Variants in SLC25A21 observed in about 807,000 individuals in gnomAD.
SLC25A21 encodes solute carrier family 25 member 21.
Under a neutral mutation model 43.8 loss-of-function variants are expected in SLC25A21, and 47 were observed. The ratio of observed to expected loss-of-function variants is 1.07; its 90% CI spans 0.85 to 1.37. The LOEUF is 1.37. Among genes scored for constraint, SLC25A21 ranks in the 40% most tolerant of loss-of-function variants. SLC25A21 has a pLI of 0.00. For missense variants in SLC25A21, 352 were observed against 350.2 expected (o/e 1.00, Z -0.04); for synonymous variants, 131 against 121.3 (o/e 1.08, Z -0.52).
Position 36,900,979 on chromosome 14 carries a change from T to A in SLC25A21, c.71-25975A>T, listed in dbSNP as rs148835457. Among the ~76,000 whole-genome samples, 300 of 152,258 alleles carry A rather than the reference T, an allele frequency of 2.0e-3. 2 individuals are homozygous for A. Among genetic ancestry groups the A allele is most frequent in the Middle Eastern group, 0.017 (5 of 294 alleles). ...CATAAAAGTGTATCCCAAACCACTTTACAGAAGTGAAATTTCCGTTCTCAA... is the reference window on the plus strand; with the variant it reads ...CATAAAAGTGTATCCCAAACCACTTAACAGAAGTGAAATTTCCGTTCTCAA... On this transcript the variant is annotated intron_variant, in intron 1 of 9. Transcript: ENST00000331299.
chr14:36,733,667 GA>G (rs1335432261), intron 4 of SLC25A21, among the ~76,000 whole-genome samples: 3 of 151,904 alleles, frequency 2.0e-5, no homozygotes, highest in East Asian at 1.9e-4. Flanking sequence ...TAATGTATGT[GA>G]AAAAAAACCT....
At chr14:36,865,507 T>G (rs962930739) in intron 2 of SLC25A21, among the ~76,000 whole-genome samples, 2 of 151,920 alleles carry the variant, frequency 1.3e-5, no homozygotes, top group Non-Finnish European at 1.5e-5. Flanking sequence ...AACCGTTTTG[T>G]CCTCCCACTT....
Position 36,679,164 on chromosome 14 carries a change from G to A in SLC25A21, c.*1494C>T, listed in dbSNP as rs1416100447. The A allele has an allele frequency of 1.0e-6, 1 of 985,134 alleles. No individual in the cohort carries two copies. Among genetic ancestry groups the A allele is most frequent in the Non-Finnish European group, 1.2e-6 (1 of 829,846 alleles). 61.0% of individuals were successfully genotyped at this position (985,134 alleles called of 1,614,324 possible). The stretch of plus-strand genomic sequence containing the variant: ...GGATAGAATGCAGTTGTGCAACAGA[G>A]ACACATTCTTATTTCTTTTTTTTCA... On this transcript the variant is annotated 3_prime_UTR_variant, in exon 10 of 10. Coordinates refer to ENST00000331299, the MANE Select transcript of SLC25A21 (RefSeq NM_030631.4).
chr14:36,717,996 TCTTA>T (rs1299402751), intron 6 of SLC25A21, among the ~76,000 whole-genome samples: 2 of 152,168 alleles, frequency 1.3e-5, no homozygotes, highest in African/African-American at 4.8e-5. Flanking sequence ...TATAGCTCTG[TCTTA>T]CTTGATTTGT....
intron 1 of SLC25A21, among the ~76,000 whole-genome samples, chr14:37,117,390 G>A (rs1963125169): frequency 6.6e-6 from 1 of 152,130 alleles, no homozygotes; most frequent in South Asian, 2.1e-4. Flanking sequence ...TTGTATGTTG[G>A]AAATGTAAAG....
chr14:36,854,614 T>C (rs1889843199), intron 2 of SLC25A21, among the ~76,000 whole-genome samples: 1 of 152,248 alleles, frequency 6.6e-6, no homozygotes, highest in African/African-American at 2.4e-5. Flanking sequence ...AGGTAGTTGC[T>C]AGTGATTTTT....
At chr14:36,906,655 G>A (rs1010826748) in intron 1 of SLC25A21, among the ~76,000 whole-genome samples, 10 of 151,776 alleles carry the variant, frequency 6.6e-5, no homozygotes, top group Non-Finnish European at 1.2e-4. Context: ...ACAGACATGC[G>A]CCACCACACC....
intron 1 of SLC25A21, among the ~76,000 whole-genome samples, chr14:37,054,452 T>A (rs775435906): frequency 6.6e-6 from 1 of 152,138 alleles, no homozygotes; most frequent in African/African-American, 2.4e-5. Flanking sequence ...TTATTGTACA[T>A]CAATAGAAAG....
In SLC25A21 at chr14:37,067,757, C is replaced by A. The variant is rs570202261; in HGVS notation, c.70+104524G>T. Among the ~76,000 whole-genome samples the A allele has an allele frequency of 1.1e-3, 168 of 152,256 alleles. 2 individuals carry two copies. Among genetic ancestry groups the A allele is most frequent in the African/African-American group, 3.1e-3 (130 of 41,536 alleles). Reference sequence around the variant, plus strand: ...CTTTCAACTCTATCAAATACAAATCCTATCAGTAAAAACTAAAATTAAGCA... The same window carrying A: ...CTTTCAACTCTATCAAATACAAATCATATCAGTAAAAACTAAAATTAAGCA... On this transcript the variant is annotated intron_variant, in intron 1 of 9. Transcript: ENST00000331299.
intron 1 of SLC25A21, among the ~76,000 whole-genome samples, chr14:37,146,335 T>A (rs1963664074): frequency 6.6e-6 from 1 of 152,070 alleles, no homozygotes; most frequent in South Asian, 2.1e-4. Flanking sequence ...AGCCTTGATC[T>A]CCTGGGCTCA....
chr14:36,947,546 C>T (rs1412575609), intron 1 of SLC25A21, among the ~76,000 whole-genome samples: 10 of 152,128 alleles, frequency 6.6e-5, no homozygotes, highest in Non-Finnish European at 1.5e-4. Flanking sequence ...AGAGCTGGTC[C>T]TCAGCTTATG....
At chr14:36,746,993 A>G (rs187723418) in intron 3 of SLC25A21, among the ~76,000 whole-genome samples, 1 of 152,306 alleles carries the variant, frequency 6.6e-6, no homozygotes, top group East Asian at 1.9e-4. Context: ...ATTATATTAA[A>G]TGCATATATG....
chr14:37,018,480 T>C (rs2138749865), intron 1 of SLC25A21, among the ~76,000 whole-genome samples: 1 of 152,188 alleles, frequency 6.6e-6, no homozygotes, highest in South Asian at 2.1e-4. Flanking sequence ...TTGTCAGTTA[T>C]ACCTCAATAA....
At chr14:37,045,174 G>A (rs1172965973) in intron 1 of SLC25A21, among the ~76,000 whole-genome samples, 1 of 152,132 alleles carries the variant, frequency 6.6e-6, no homozygotes, top group Non-Finnish European at 1.5e-5. Flanking sequence ...CAGTATTTCT[G>A]AGTATGCAGT....
intron 1 of SLC25A21, among the ~76,000 whole-genome samples, chr14:37,066,322 T>G (rs553367389): frequency 4.6e-5 from 7 of 152,194 alleles, no homozygotes; most frequent in African/African-American, 1.4e-4. Flanking sequence ...AAAGACTAAA[T>G]AAGGCTAAGA....
At chr14:37,127,234 G>A (rs1344639191) in intron 1 of SLC25A21, among the ~76,000 whole-genome samples, 1 of 152,074 alleles carries the variant, frequency 6.6e-6, no homozygotes, top group Non-Finnish European at 1.5e-5. Flanking sequence ...TTTAACAAAT[G>A]AGGCTCAAAG....
Position 36,777,532 on chromosome 14 carries a change from C to G in SLC25A21, c.203+36386G>C, listed in dbSNP as rs143800796. ...GGCCCTAAATTTGATGCTGGGTATTCTTATAGAAGCCAAAAAATGAGAAGA... is the reference window on the plus strand; with the variant it reads ...GGCCCTAAATTTGATGCTGGGTATTGTTATAGAAGCCAAAAAATGAGAAGA... On this transcript the variant is annotated intron_variant, in intron 3 of 9. Transcript: ENST00000331299. 3.8e-3 allele frequency among the ~76,000 whole-genome samples: 571 copies of G among 152,156 alleles called. 4 individuals are homozygous for G. The highest frequency in any genetic ancestry group is 6.8e-3 in the Middle Eastern group (2 of 294).
chr14:36,902,657 T>G (rs1891427389), intron 1 of SLC25A21, among the ~76,000 whole-genome samples: 1 of 152,216 alleles, frequency 6.6e-6, no homozygotes, highest in Non-Finnish European at 1.5e-5. Context: ...AGGCCATGAC[T>G]TTTGACAATT....
intron 1 of SLC25A21, among the ~76,000 whole-genome samples, chr14:37,086,687 G>A (rs1955760): frequency 0.75 from 114,613 of 152,036 alleles, 48,274 homozygotes; most frequent in South Asian, 0.94. Context: ...TTTACAATGC[G>A]GATAATAATA....
Sources: gnomAD v4.1 joint callset for allele counts (sites outside exome capture counted in the v4.1 genomes callset) on GRCh38, gnomAD v4.1.1 for gene constraint, MANE v1.5 for transcripts, NCBI Gene and HGNC (gene_info 2026-07-23, HGNC 2026-07-21) for gene names.